Variants in MYO3B observed in about 807,000 individuals in gnomAD.
The protein encoded by MYO3B is myosin-IIIb.
MYO3B carries 156 observed loss-of-function variants against 174.6 expected under a neutral mutation model. The ratio of observed to expected loss-of-function variants is 0.89; its 90% CI spans 0.78 to 1.02. The LOEUF (loss-of-function observed/expected upper bound fraction) is 1.02, where lower values mean the gene tolerates loss of function less well. Ranked by LOEUF, MYO3B falls within the 50% of genes least tolerant of loss-of-function variation. The pLI is 0.00. For missense variants in MYO3B, 1,632 were observed against 1,639.4 expected, an observed-to-expected ratio of 1.00 and a Z score of 0.08; for synonymous variants, 563 against 569.1, an observed-to-expected ratio of 0.99 and a Z score of 0.15.
At chr2:170,430,297 T>G (rs1404066066) in intron 22 of MYO3B, among the ~76,000 whole-genome samples, 1 of 151,966 alleles carries the variant, frequency 6.6e-6, no homozygotes, top group Non-Finnish European at 1.5e-5. Context: ...CCCCCTTACC[T>G]GGACACTAGA....
At chr2:170,536,972 C>T (rs150721376) in intron 30 of MYO3B, among the ~76,000 whole-genome samples, 3,101 of 152,064 alleles carry the variant, frequency 0.02, 78 homozygotes, top group East Asian at 0.089. Context: ...GAGTCTGAGG[C>T]AGGTGAATCA....
In MYO3B at chr2:170,187,199, T is replaced by G. The variant is rs73025122; in HGVS notation, c.2+8910T>G. 9.1e-3 allele frequency among the ~76,000 whole-genome samples: 1,384 copies of G among 152,198 alleles called. 18 individuals carry two copies. The highest frequency in any genetic ancestry group is 0.031 in the African/African-American group (1,295 of 41,558). On this transcript the variant is annotated intron_variant, in intron 1 of 34. Coordinates refer to ENST00000408978, the MANE Select transcript of MYO3B (RefSeq NM_138995.5). ...ATTATTTCTTTTCTTATAGTAATTT[T>G]GGTTTTGGTTTGCTCTTGCTTTTCT...
chr2:170,383,918 G>T, intron 12 of MYO3B, 104 bp downstream of exon 12: 1 of 899,930 alleles, frequency 1.1e-6, no homozygotes, highest in Non-Finnish European at 1.8e-6. Context: ...TCCGGTTGCT[G>T]GTGCTGACCC....
intron 32 of MYO3B, among the ~76,000 whole-genome samples, chr2:170,594,302 T>C (rs1694002990): frequency 6.6e-6 from 1 of 151,436 alleles, no homozygotes; most frequent in South Asian, 2.1e-4. Context: ...TGTACGAAGT[T>C]AAAAAAAAGT....
chr2:170,217,272 G>A, intron 5 of MYO3B, 47 bp from the exon 6 acceptor site: 1 of 1,540,688 alleles, frequency 6.5e-7, no homozygotes, highest in Non-Finnish European at 9.0e-7. Context: ...TGCTGGTCTA[G>A]CATCATACTT....
At position 170,461,428 on chromosome 2, in the gene MYO3B, G is replaced by A. The variant is rs537630363; in HGVS notation, c.2731-1940G>A. ...GTGGAGGTTGCAGTGAGCTGAGATC[G>A]CACCATTGCACTCCAGCCTGGGAGC... On this transcript the variant is annotated intron_variant, in intron 23 of 34. Coordinates refer to ENST00000408978, the MANE Select transcript of MYO3B (RefSeq NM_138995.5). 5.1e-5 allele frequency among the ~76,000 whole-genome samples: 7 copies of A among 138,250 alleles called. No homozygotes were observed. In the South Asian group the frequency reaches 7.1e-4, roughly 14 times the overall value. The allele number at this position is 138,250 out of a possible 152,430, so 90.7% of individuals were successfully genotyped here.
At chr2:170,474,247 G>T (rs1685168691) in intron 25 of MYO3B, among the ~76,000 whole-genome samples, 1 of 152,070 alleles carries the variant, frequency 6.6e-6, no homozygotes, top group Non-Finnish European at 1.5e-5. Context: ...CAGCAAGAGA[G>T]TTTCTGAGAG....
chr2:170,579,810 C>T (rs563174945), intron 32 of MYO3B, among the ~76,000 whole-genome samples: 3 of 152,342 alleles, frequency 2.0e-5, no homozygotes, highest in African/African-American at 4.8e-5. Context: ...CTTGATGGAT[C>T]CCCCAGTGCC....
At chr2:170,212,275 A>G (rs2105361075) in intron 3 of MYO3B, among the ~76,000 whole-genome samples, 1 of 150,894 alleles carries the variant, frequency 6.6e-6, no homozygotes, top group South Asian at 2.1e-4. Context: ...TGGGGGAAGA[A>G]TCTCTTATTT....
At chr2:170,409,086 A>G (rs1476760373) in intron 22 of MYO3B, among the ~76,000 whole-genome samples, 2 of 151,550 alleles carry the variant, frequency 1.3e-5, no homozygotes, top group Admixed American at 6.5e-5. Context: ...GCTCTCTGGG[A>G]AAAAAATCTA....
intron 32 of MYO3B, among the ~76,000 whole-genome samples, chr2:170,589,761 A>C (rs1693708386): frequency 6.6e-6 from 1 of 152,220 alleles, no homozygotes; most frequent in South Asian, 2.1e-4. Context: ...AATTTTAAAT[A>C]AATTTAGTGT....
chr2:170,328,171 G>C (rs956554283), intron 7 of MYO3B, among the ~76,000 whole-genome samples: 1 of 152,024 alleles, frequency 6.6e-6, no homozygotes, highest in Non-Finnish European at 1.5e-5. Flanking sequence ...CAAAGTGCTA[G>C]GATTACAGGC....
At chr2:170,295,509 A>T (rs749970529) in intron 7 of MYO3B, among the ~76,000 whole-genome samples, 6 of 152,040 alleles carry the variant, frequency 3.9e-5, no homozygotes, top group Non-Finnish European at 8.8e-5. Flanking sequence ...TAAAGAATAT[A>T]TGGGACTTAA....
chr2:170,412,961 A>G (rs566680124), intron 22 of MYO3B, among the ~76,000 whole-genome samples: 2 of 152,308 alleles, frequency 1.3e-5, no homozygotes, highest in African/African-American at 4.8e-5. Flanking sequence ...ATAATTATGT[A>G]TTGAGAATCT....
intron 7 of MYO3B, among the ~76,000 whole-genome samples, chr2:170,319,513 A>G (rs1393236381): frequency 6.6e-6 from 1 of 152,230 alleles, no homozygotes; most frequent in African/African-American, 2.4e-5. Context: ...TTGAAGAAAA[A>G]TTAACAGAGC....
chr2:170,272,126 A>G (rs1385738404), intron 7 of MYO3B, among the ~76,000 whole-genome samples: 2 of 150,184 alleles, frequency 1.3e-5, no homozygotes, highest in East Asian at 2.0e-4. Flanking sequence ...GGCTATTCCA[A>G]TGGTTCTCAA....
chr2:170,621,514 T>TG (rs1695913365), intron 32 of MYO3B, among the ~76,000 whole-genome samples: 2 of 141,786 alleles, frequency 1.4e-5, no homozygotes, highest in Admixed American at 7.1e-5. Context: ...TTTGTTTTTT[T>TG]GTTTTTTTGT....
intron 1 of MYO3B, among the ~76,000 whole-genome samples, chr2:170,197,557 A>G (rs1255426675): frequency 6.6e-6 from 1 of 152,110 alleles, no homozygotes; most frequent in Non-Finnish European, 1.5e-5. Flanking sequence ...TATTGCTGGT[A>G]TATTTTGATT....
intron 12 of MYO3B, among the ~76,000 whole-genome samples, chr2:170,384,800 C>T (rs1432160843): frequency 6.6e-6 from 1 of 152,200 alleles, no homozygotes; most frequent in East Asian, 1.9e-4. Context: ...TTCTCCAACA[C>T]CAACTGGGTG....
Sources: allele counts gnomAD v4.1 joint callset (sites outside exome capture counted in the v4.1 genomes callset), GRCh38; gene constraint gnomAD v4.1.1; transcripts MANE v1.5; gene names NCBI Gene and HGNC (gene_info 2026-07-23, HGNC 2026-07-21).